PCDHA3: variants seen among roughly 807,000 people sequenced by gnomAD.
PCDHA3 encodes protocadherin alpha 3, also known as protocadherin alpha-3.
PCDHA3 carries 41 observed loss-of-function variants against 62.2 expected under a neutral mutation model. The observed-to-expected ratio is 0.66, with a 90% confidence interval of 0.51 to 0.86. PCDHA3 has a LOEUF of 0.86. Among genes scored for constraint, PCDHA3 ranks in the 40% least tolerant of loss-of-function variants. The pLI is 0.00. For missense variants in PCDHA3, 1,304 were observed against 1,241.2 expected, an observed-to-expected ratio of 1.05 and a Z score of -0.76; for synonymous variants, 640 against 555.4, an observed-to-expected ratio of 1.15 and a Z score of -2.14.
rs1769592683 is a variant in PCDHA3 at position 140,828,186 on chromosome 5, A to G, written c.2394+24595A>G. 3.1e-6 allele frequency: 5 copies of G among 1,614,002 alleles called. No individual in the cohort carries two copies. In the South Asian group the frequency reaches 3.3e-5, roughly 11 times the overall value. On this transcript the variant is annotated intron_variant, in intron 1 of 3. Coordinates refer to ENST00000522353, the MANE Select transcript of PCDHA3 (RefSeq NM_018906.3). ...TGGAAGGTGGGGAGCGGCCAGCTCC[A>G]CTACTCCGTACCCGAGGAGGCCAAA... is the stretch of plus-strand genomic sequence containing the variant.
intron 1 of PCDHA3, among the ~76,000 whole-genome samples, chr5:140,818,917 A>G (rs2150102673): frequency 6.6e-6 from 1 of 152,224 alleles, no homozygotes; most frequent in East Asian, 1.9e-4. Context: ...GTCCCTTTCT[A>G]TTAAGTGAGA....
At chr5:140,884,321 G>A in intron 1 of PCDHA3, 1 of 1,613,854 alleles carries the variant, frequency 6.2e-7, no homozygotes, top group Non-Finnish European at 8.5e-7. Context: ...GGCGTCGGCA[G>A]GCGCTGTGGG....
chr5:140,921,693 C>A (rs115825687), intron 1 of PCDHA3, among the ~76,000 whole-genome samples: 103 of 152,244 alleles, frequency 6.8e-4, no homozygotes, highest in African/African-American at 2.4e-3. Flanking sequence ...CTGGCCACCT[C>A]AATTTTAAAC....
intron 1 of PCDHA3, among the ~76,000 whole-genome samples, chr5:140,921,749 A>G (rs1366376226): frequency 6.6e-6 from 1 of 152,196 alleles, no homozygotes; most frequent in Non-Finnish European, 1.5e-5. Context: ...GCATAACAGG[A>G]CACTTCTTGG....
intron 3 of PCDHA3, among the ~76,000 whole-genome samples, chr5:140,991,204 A>C (rs1416431011): frequency 6.6e-6 from 1 of 152,198 alleles, no homozygotes; most frequent in East Asian, 1.9e-4. Flanking sequence ...ATGCTCAATA[A>C]ATTTTGTTAA....
intron 1 of PCDHA3, among the ~76,000 whole-genome samples, chr5:140,827,710 T>C (rs1414085053): frequency 3.3e-5 from 5 of 152,232 alleles, no homozygotes; most frequent in Admixed American, 6.5e-5. Context: ...GTTGCAAATA[T>C]TGGTAGAAAA....
At chr5:140,882,414 C>T in intron 1 of PCDHA3, 2 of 1,614,148 alleles carry the variant, frequency 1.2e-6, no homozygotes, top group Non-Finnish European at 8.5e-7. Flanking sequence ...GGCCGCATCG[C>T]TCAGGACCTG....
At chr5:140,917,334 G>GGGGGGGGGGGGGGT in intron 1 of PCDHA3, among the ~76,000 whole-genome samples, 1 of 147,630 alleles carries the variant, frequency 6.8e-6, no homozygotes, top group Non-Finnish European at 1.5e-5. Flanking sequence ...CGGGGGAGGG[G>GGGGGGGGGGGGGGT]GGGGATGGTG....
intron 1 of PCDHA3, among the ~76,000 whole-genome samples, chr5:140,952,839 T>G (rs1270756530): frequency 6.6e-6 from 1 of 152,210 alleles, no homozygotes; most frequent in Non-Finnish European, 1.5e-5. Context: ...GCTGGCCATC[T>G]GCTTGTCTTC....
chr5:140,877,409 G>C lies in PCDHA3; in HGVS notation c.2394+73818G>C, dbSNP rs782157769. The C allele has an allele frequency of 8.1e-6, 13 of 1,613,802 alleles. No homozygotes were observed. The highest frequency in any genetic ancestry group is 1.0e-5 in the Non-Finnish European group (12 of 1,179,880). Reference sequence around the variant, plus strand: ...GATGAGGCGGACGCTCCGCGCCACCGCCTGCTGGTGCTGGTGAAGGACCAC... The same window carrying C: ...GATGAGGCGGACGCTCCGCGCCACCCCCTGCTGGTGCTGGTGAAGGACCAC... On this transcript the variant is annotated intron_variant, in intron 1 of 3. Transcript: ENST00000522353.
chr5:140,957,591 C>T (rs1554223040), intron 1 of PCDHA3, among the ~76,000 whole-genome samples: 1 of 151,946 alleles, frequency 6.6e-6, no homozygotes, highest in African/African-American at 2.4e-5. Flanking sequence ...CAAAGCACTT[C>T]CCAGAATAAA....
chr5:140,841,362 T>A, intron 1 of PCDHA3: 1 of 1,613,494 alleles, frequency 6.2e-7, no homozygotes, highest in African/African-American at 1.3e-5. Flanking sequence ...TCCTGGCGAC[T>A]ACTACTCTTG....
intron 1 of PCDHA3, among the ~76,000 whole-genome samples, chr5:140,873,367 A>G (rs782242904): frequency 2.0e-5 from 3 of 152,174 alleles, no homozygotes; most frequent in Non-Finnish European, 2.9e-5. Context: ...GAATAACTGA[A>G]GATCTTTTAA....
At chr5:140,823,177 C>T (rs2150123173) in intron 1 of PCDHA3, 4 of 1,613,900 alleles carry the variant, frequency 2.5e-6, no homozygotes, top group Non-Finnish European at 3.4e-6. Context: ...GGAGAACAAC[C>T]CGCCAGGCTG....
chr5:140,985,268 A>G (rs1399255449), intron 3 of PCDHA3, among the ~76,000 whole-genome samples: 6 of 152,098 alleles, frequency 3.9e-5, no homozygotes, highest in African/African-American at 1.2e-4. Context: ...TTTCTGGACT[A>G]CTTTTCTGCA....
At chr5:140,991,753 T>C (rs1262588559) in intron 3 of PCDHA3, among the ~76,000 whole-genome samples, 3 of 152,208 alleles carry the variant, frequency 2.0e-5, no homozygotes, top group Non-Finnish European at 2.9e-5. Flanking sequence ...CTTTCTATCA[T>C]GCTCTTCAAA....
At chr5:140,936,833 A>G (rs186890408) in intron 1 of PCDHA3, among the ~76,000 whole-genome samples, 1 of 152,276 alleles carries the variant, frequency 6.6e-6, no homozygotes, top group East Asian at 1.9e-4. Context: ...GCATTTCTAT[A>G]TAAATTGTAG....
At position 140,886,849 on chromosome 5, in the gene PCDHA3, A is replaced by G. The variant is rs541841964; in HGVS notation, c.2394+83258A>G. ...CTTGAAAAAAAAAAAAAAAAAAAAG[A>G]AAGGTCTTCCCAACTCCTATATTGA... On this transcript the variant is annotated intron_variant, in intron 1 of 3. Coordinates refer to ENST00000522353, the MANE Select transcript of PCDHA3 (RefSeq NM_018906.3). Among the ~76,000 whole-genome samples, 4 of 150,006 alleles carry G rather than the reference A, an allele frequency of 2.7e-5. No homozygotes were observed. The East Asian group carries it at 7.8e-4, about 29-fold the overall frequency.
rs2096830713 is a variant in PCDHA3 at position 140,978,969 on chromosome 5, C to G, written c.2415C>G (p.Asp805Glu). 4 of 1,614,092 alleles carry G rather than the reference C, an allele frequency of 2.5e-6. No homozygotes were observed. The highest frequency in any genetic ancestry group is 1.6e-4 in the Middle Eastern group (1 of 6,084). ...TGCAGCCACGACAGCCCAACCCTGACTGGCGTTACTCTGCCTCCCTGAGAG... is the reference window on the plus strand; with the variant it reads ...TGCAGCCACGACAGCCCAACCCTGAGTGGCGTTACTCTGCCTCCCTGAGAG... ...LSAKPRQPNP[D>E]WRYSASLRAG... The change falls in exon 2 of 4, where the codon GAC becomes GAG. Residue 805 changes from aspartate (D) to glutamate (E), a missense_variant. Coordinates refer to ENST00000522353, the MANE Select transcript of PCDHA3 (RefSeq NM_018906.3).
Sources: allele counts gnomAD v4.1 joint callset (sites outside exome capture counted in the v4.1 genomes callset), GRCh38; gene constraint gnomAD v4.1.1; transcripts MANE v1.5; gene names NCBI Gene and HGNC (gene_info 2026-07-23, HGNC 2026-07-21).